The following ZNF226 variants were observed in gnomAD, a reference collection of about 807,000 sequenced individuals.
The protein encoded by ZNF226 is Kruppel-associated box protein.
In ZNF226, 6 loss-of-function variants were observed where a neutral mutation model predicts 11.4. The ratio of observed to expected loss-of-function variants is 0.53; its 90% CI spans 0.29 to 1.04. The LOEUF (loss-of-function observed/expected upper bound fraction) is 1.04, where lower values mean the gene tolerates loss of function less well. ZNF226 is among the 50% of genes least tolerant of loss of function. The probability of loss-of-function intolerance (pLI) is 0.08; values close to 1 mark genes in which losing one functional copy is unlikely to be tolerated. For missense variants in ZNF226, 1,058 were observed against 956.5 expected (o/e 1.11, Z -1.40); for synonymous variants, 350 against 322.8 (o/e 1.08, Z -0.90).
At chr19:44,180,173 A>C, downstream of ZNF226, among the ~76,000 whole-genome samples, 1 of 152,056 alleles carries the variant, frequency 6.6e-6, no homozygotes, top group East Asian at 1.9e-4. Flanking sequence ...TTTGAGGTAA[A>C]ATTTAACAAA....
downstream of ZNF226, among the ~76,000 whole-genome samples, chr19:44,180,692 C>A (rs559517302): frequency 1.3e-5 from 2 of 152,252 alleles, no homozygotes; most frequent in South Asian, 4.1e-4. Context: ...AAACTATGGA[C>A]CACAAAATCT....
In ZNF226 at chr19:44,176,009, G is replaced by A. The variant is rs369765459; in HGVS notation, c.747G>A (p.Gln249=). Residue 249 remains glutamine, a synonymous_variant, in exon 6 of 6, where the codon CAG becomes CAA. Coordinates refer to ENST00000337433, the MANE Select transcript of ZNF226 (RefSeq NM_001032373.2). ...FDHNSMIHTG[Q]KSYQCNECKK... The stretch of plus-strand genomic sequence containing the variant: ...ACAATAGCATGATTCACACAGGACA[G>A]AAATCGTACCAGTGTAATGAGTGTA... 1.2e-6 allele frequency: 2 copies of A among 1,613,948 alleles called. No homozygotes were observed. The highest frequency in any genetic ancestry group is 2.2e-5 in the South Asian group (2 of 91,072).
chr19:44,187,166 TG>T, the ZNF226 span, among the ~76,000 whole-genome samples: 2 of 152,022 alleles, frequency 1.3e-5, no homozygotes, highest in African/African-American at 4.8e-5. The surrounding 1 kb of genome is among the most constrained non-coding windows in gnomAD (Gnocchi z 4.0). Context: ...TTCACTTCTT[TG>T]GAAGAATTTA....
chr19:44,177,862 A>C (rs1262341163), downstream of ZNF226: 3 of 633,212 alleles, frequency 4.7e-6, no homozygotes, highest in Non-Finnish European at 7.4e-6. Flanking sequence ...AGGGGTGTTA[A>C]GAGTGAAATT....
At position 44,172,651 on chromosome 19, in the gene ZNF226, G is replaced by A. The variant is rs1970240380; in HGVS notation, c.143-209G>A. On this transcript the variant is annotated intron_variant, in intron 4 of 5. Transcript: ENST00000337433. Reference sequence around the variant, plus strand: ...GAAAACAGACATTAGTTAAAAATAGGTTATTCAAACTTGGTTTTCATAATA... The same window carrying A: ...GAAAACAGACATTAGTTAAAAATAGATTATTCAAACTTGGTTTTCATAATA... 2.6e-5 allele frequency: 14 copies of A among 543,904 alleles called. No homozygotes were observed. The South Asian group carries it at 4.0e-4, about 16-fold the overall frequency. 33.7% of individuals were successfully genotyped at this position (543,904 alleles called of 1,614,324 possible).
intron 2 of ZNF226, chr19:44,166,815 C>G (rs547506510): frequency 2.0e-4 from 30 of 152,064 alleles, no homozygotes; most frequent in African/African-American, 7.3e-4. Flanking sequence ...TGAGCCCTAC[C>G]GAAGGCCTTC....
the ZNF226 span, among the ~76,000 whole-genome samples, chr19:44,190,453 C>T: frequency 6.6e-6 from 1 of 152,106 alleles, no homozygotes; most frequent in Non-Finnish European, 1.5e-5. Context: ...CCTACCTCAG[C>T]CTCCCGAGTA....
Position 44,175,838 on chromosome 19 carries a change from A to C in ZNF226, c.576A>C (p.Ile192=), listed in dbSNP as rs755008376. The part of the protein sequence containing the change: ...QRLNRDQQIS[I]KNKLCQCKKG... ...TGAACAGAGATCAGCAAATTTCCAT[A>C]AAAAATAAATTATGTCAATGTAAGA... Residue 192 remains isoleucine, a synonymous_variant, in exon 6 of 6, where the codon ATA becomes ATC. Transcript: ENST00000337433. 2.5e-6 allele frequency: 4 copies of C among 1,613,530 alleles called. No individual in the cohort carries two copies. Among genetic ancestry groups the C allele is most frequent in the Non-Finnish European group, 2.5e-6 (3 of 1,179,792 alleles).
downstream of ZNF226, chr19:44,177,883 CTT>C: frequency 2.0e-6 from 1 of 510,394 alleles, no homozygotes; most frequent in Non-Finnish European, 3.3e-6. Context: ...TTTCTCAGGC[CTT>C]TTATAAAAGT....
Position 44,177,268 on chromosome 19 carries a change from A to C in ZNF226, c.2006A>C (p.Lys669Thr), listed in dbSNP as rs1225204386. The C allele has an allele frequency of 6.2e-7, 1 of 1,614,056 alleles. No individual in the cohort carries two copies. Among genetic ancestry groups the C allele is most frequent in the African/African-American group, 1.3e-5 (1 of 74,918 alleles). Reference sequence around the variant, plus strand: ...CATCAAAAAGTCCACACTGGAGATAAGCCATACAAATGTGATGAGTGTGGG... The same window carrying C: ...CATCAAAAAGTCCACACTGGAGATACGCCATACAAATGTGATGAGTGTGGG... ...QAHQKVHTGD[K>T]PYKCDECGKG... is the part of the protein sequence containing the mutation. Residue 669 changes from lysine (K) to threonine (T), a missense_variant, in exon 6 of 6, where the codon AAG (lysine) becomes ACG (threonine). Physicochemically the swap from Lys to Thr is moderately conservative, Grantham distance 78 (BLOSUM62 -1). Transcript: ENST00000337433.
At chr19:44,178,001 C>T (rs116965232), downstream of ZNF226, 1,148 of 191,986 alleles carry the variant, frequency 6.0e-3, 7 homozygotes, top group Admixed American at 0.011. Flanking sequence ...TTGCCATATA[C>T]TTCACAGGTG....
the ZNF226 span, among the ~76,000 whole-genome samples, chr19:44,188,178 T>C: frequency 6.6e-6 from 1 of 152,190 alleles, no homozygotes; most frequent in Admixed American, 6.5e-5. Flanking sequence ...CGTTTCCTCA[T>C]TGATCTTCTG....
chr19:44,198,102 G>A, the ZNF226 span, among the ~76,000 whole-genome samples: 1 of 151,860 alleles, frequency 6.6e-6, no homozygotes, highest in Non-Finnish European at 1.5e-5. Context: ...TATTATCTTT[G>A]TCAAATATCA....
In ZNF226 at chr19:44,177,397, C is replaced by G. The variant is rs750472117; in HGVS notation, c.2135C>G (p.Ser712Ter). Residue 712 changes from serine (S) to a stop codon, truncating the protein, a stop_gained, in exon 6 of 6, where the codon TCA becomes TGA. Transcript: ENST00000337433. LOFTEE classifies it low-confidence loss of function (END_TRUNC). ...TGTGGTAAGTACTTCAGTCAGGCCT[C>G]AAGTCTTCAACTTCATCAGAGTGTC... ...GECGKYFSQA[S>*]SLQLHQSVHT... 6.2e-7 allele frequency: 1 copy of G among 1,614,080 alleles called. No homozygotes were observed. The highest frequency in any genetic ancestry group is 8.5e-7 in the Non-Finnish European group (1 of 1,180,008).
Position 44,170,026 on chromosome 19 carries a change from C to G in ZNF226, c.-46-9C>G. 1 of 1,566,956 alleles carries G rather than the reference C, an allele frequency of 6.4e-7. No homozygotes were observed. Among genetic ancestry groups the G allele is most frequent in the East Asian group, 2.3e-5 (1 of 44,238 alleles). ...CCCAGTTTTGATTTATTTCTCTCTT[C>G]TTTCCTAGTTCAGCTTCTTAGGACT... On this transcript the variant is annotated splice_polypyrimidine_tract_variant and intron_variant, in intron 2 of 5. Coordinates refer to ENST00000337433, the MANE Select transcript of ZNF226 (RefSeq NM_001032373.2).
chr19:44,175,130 A>C (rs1970563969), intron 5 of ZNF226: 1 of 1,546,184 alleles, frequency 6.5e-7, no homozygotes, highest in South Asian at 1.2e-5. Context: ...AGTGACTATG[A>C]ATGACTGCCG....
chr19:44,182,116 GTTTCAACAGTT>G (rs1279878238), downstream of ZNF226, among the ~76,000 whole-genome samples: 5 of 152,158 alleles, frequency 3.3e-5, no homozygotes, highest in South Asian at 6.2e-4. Context: ...CCTGGGAATA[GTTTCAACAGTT>G]TTCTCAGTTG....
At chr19:44,168,900 G>A (rs371954202) in intron 2 of ZNF226, among the ~76,000 whole-genome samples, 1 of 142,358 alleles carries the variant, frequency 7.0e-6, no homozygotes, top group South Asian at 2.3e-4. Context: ...ACCTTTATTA[G>A]TTTATGTGTT....
In ZNF226 at chr19:44,176,599, C is replaced by T. The variant is rs374649881; in HGVS notation, c.1337C>T (p.Pro446Leu). The T allele has an allele frequency of 5.6e-6, 9 of 1,613,894 alleles. No homozygotes were observed. The African/African-American group carries it at 1.2e-4, about 22-fold the overall frequency. Residue 446 changes from proline (P) to leucine (L), a missense_variant, in exon 6 of 6, where the codon CCC becomes CTC. Physicochemically the swap from Pro to Leu is moderately conservative, Grantham distance 98. Coordinates refer to ENST00000337433, the MANE Select transcript of ZNF226 (RefSeq NM_001032373.2). ...IHQRVHTGEK[P>L]YKCEECGKGF... is the part of the protein sequence containing the mutation. ...CAGAGAGTCCACACAGGAGAAAAACCCTATAAATGTGAGGAATGTGGTAAA... is the reference window on the plus strand; with the variant it reads ...CAGAGAGTCCACACAGGAGAAAAACTCTATAAATGTGAGGAATGTGGTAAA...
Sources: allele counts gnomAD v4.1 joint callset (sites outside exome capture counted in the v4.1 genomes callset), GRCh38; gene constraint gnomAD v4.1.1; non-coding constraint Gnocchi (gnomAD v3.1); transcripts MANE v1.5; gene names NCBI Gene and HGNC (gene_info 2026-07-23, HGNC 2026-07-21).